Variants in TDRD12 observed in about 807,000 individuals in gnomAD.
TDRD12 encodes tudor domain containing 12.
In TDRD12, 158 loss-of-function variants were observed where a neutral mutation model predicts 133.5. The ratio of observed to expected loss-of-function variants is 1.18; its 90% CI spans 1.04 to 1.35. The LOEUF is 1.35. TDRD12 is among the 40% of genes most tolerant of loss of function. TDRD12 has a pLI of 0.00. For synonymous variants in TDRD12, 460 were observed against 477.9 expected, an observed-to-expected ratio of 0.96 and a Z score of 0.49; for missense variants, 1,443 against 1,321.3, an observed-to-expected ratio of 1.09 and a Z score of -1.43.
chr19:32,766,016 C>A (rs1358179924), intron 8 of TDRD12, among the ~76,000 whole-genome samples: 1 of 151,838 alleles, frequency 6.6e-6, no homozygotes, highest in Non-Finnish European at 1.5e-5. Flanking sequence ...TGAAATCTAC[C>A]TTAATATTAA....
intron 7 of TDRD12, among the ~76,000 whole-genome samples, chr19:32,756,749 T>G (rs947649198): frequency 6.6e-6 from 1 of 152,118 alleles, no homozygotes; most frequent in African/African-American, 2.4e-5. Context: ...TTAGAGATAC[T>G]AAGAAAACAA....
At chr19:32,792,479 A>G (rs1345526043) in intron 13 of TDRD12, among the ~76,000 whole-genome samples, 1 of 152,228 alleles carries the variant, frequency 6.6e-6, no homozygotes, top group East Asian at 1.9e-4. Flanking sequence ...TTCAAAATAT[A>G]GAAAAATGTA....
intron 1 of TDRD12, among the ~76,000 whole-genome samples, chr19:32,729,778 C>CT (rs1162347194): frequency 0.037 from 2,703 of 73,746 alleles, 315 homozygotes; most frequent in East Asian, 0.094. Context: ...TTTTCTTTTT[C>CT]TTTTTTTTTT....
rs1298312223 is a variant in TDRD12 at position 32,813,690 on chromosome 19, A to G, written c.3055A>G (p.Arg1019Gly). 10 of 1,521,654 alleles carry G rather than the reference A, an allele frequency of 6.6e-6. No individual in the cohort carries two copies. In the East Asian group the frequency reaches 2.4e-4, roughly 37 times the overall value. 94.3% of individuals were successfully genotyped at this position (1,521,654 alleles called of 1,614,324 possible). The change falls in exon 25 of 28, where the codon AGG becomes GGG. Residue 1019 changes from arginine (R) to glycine (G), a missense_variant. Coordinates refer to ENST00000444215, the Ensembl canonical transcript of TDRD12. ...TGTTAAGTGCTTTTTTCAGGTTACTAGGTACATTCATCATAAAATTGTTGG... is the reference window on the plus strand; with the variant it reads ...TGTTAAGTGCTTTTTTCAGGTTACTGGGTACATTCATCATAAAATTGTTGG...
intron 10 of TDRD12, among the ~76,000 whole-genome samples, chr19:32,774,188 G>A (rs2145604693): frequency 6.6e-6 from 1 of 152,320 alleles, no homozygotes; most frequent in Middle Eastern, 3.4e-3. Flanking sequence ...ACTTCCCCTC[G>A]TGTCGTGGAC....
At chr19:32,798,551 A>T in intron 16 of TDRD12, 116 bp downstream of exon 16, 2 of 732,472 alleles carry the variant, frequency 2.7e-6, no homozygotes, top group East Asian at 5.8e-5. Flanking sequence ...ATCTAAAAAA[A>T]TTTTATGCTT....
In TDRD12 at chr19:32,773,542, G is replaced by T; in HGVS notation, c.1040+10G>T. 15 of 1,551,258 alleles carry T rather than the reference G, an allele frequency of 9.7e-6. No individual in the cohort carries two copies. Among genetic ancestry groups the T allele is most frequent in the Non-Finnish European group, 1.3e-5 (15 of 1,146,700 alleles). The stretch of plus-strand genomic sequence containing the variant: ...ATGTACCAGAAGCAAGGTATGATTT[G>T]AAAATTCAAACTGGGTGTGGTGGCG... On this transcript the variant is annotated intron_variant, in intron 10 of 27. Coordinates refer to ENST00000444215, the Ensembl canonical transcript of TDRD12.
Position 32,810,793 on chromosome 19 carries a change from G to A in TDRD12, c.2838-417G>A, listed in dbSNP as rs146044470. On this transcript the variant is annotated intron_variant, in intron 23 of 27. Transcript: ENST00000444215. ...TGTAATCCCAACACTTTGGGAGGCT[G>A]AGGTGAATGGATTGCTTGAGCCCAG... Among the ~76,000 whole-genome samples the A allele has an allele frequency of 9.2e-3, 1,402 of 152,272 alleles. 27 individuals are homozygous for A. The highest frequency in any genetic ancestry group is 0.032 in the African/African-American group (1,342 of 41,542).
At chr19:32,722,052 C>T (rs902924740) in intron 1 of TDRD12, among the ~76,000 whole-genome samples, 1 of 152,112 alleles carries the variant, frequency 6.6e-6, no homozygotes, top group Non-Finnish European at 1.5e-5. Flanking sequence ...CCTGCTCTTA[C>T]TTGATGTCTT....
At position 32,813,875 on chromosome 19, in the gene TDRD12, A is replaced by C. The variant is rs951349188; in HGVS notation, c.3141+99A>C. The C allele has an allele frequency of 3.7e-5, 26 of 696,666 alleles. 1 individual carries two copies. The highest frequency in any genetic ancestry group is 3.2e-4 in the Middle Eastern group (1 of 3,116). 43.2% of individuals were successfully genotyped at this position (696,666 alleles called of 1,614,324 possible). On this transcript the variant is annotated intron_variant, in intron 25 of 27. Coordinates refer to ENST00000444215, the Ensembl canonical transcript of TDRD12. ...CTCACTTGAATAACTGCTGCATAGA[A>C]ACGGTGACTTATTTGGGGATTTGTT...
At chr19:32,719,860 G>A in exon 1 of TDRD12, 1 of 607,474 alleles carries the variant, frequency 1.6e-6, no homozygotes, top group East Asian at 2.8e-5. Context: ...TGCCAGGACG[G>A]AGCGCATTGC....
intron 14 of TDRD12, chr19:32,796,107 C>T (rs1184477390): frequency 5.1e-6 from 5 of 977,998 alleles, no homozygotes; most frequent in Non-Finnish European, 6.1e-6. Context: ...TGGCCCTGTG[C>T]TGCTGGTTTG....
chr19:32,766,240 T>A (rs1178669501), intron 8 of TDRD12, among the ~76,000 whole-genome samples: 1 of 152,172 alleles, frequency 6.6e-6, no homozygotes, highest in African/African-American at 2.4e-5. Flanking sequence ...CATTTAAAAT[T>A]TTTGTGGGCA....
At chr19:32,805,007 T>C (rs1971502735) in intron 21 of TDRD12, among the ~76,000 whole-genome samples, 3 of 151,962 alleles carry the variant, frequency 2.0e-5, no homozygotes, top group South Asian at 4.2e-4. Flanking sequence ...TAAATTAGTT[T>C]GTATGTATGA....
intron 8 of TDRD12, among the ~76,000 whole-genome samples, chr19:32,766,603 G>T (rs1264881684): frequency 6.7e-6 from 1 of 149,822 alleles, no homozygotes; most frequent in Admixed American, 6.7e-5. Context: ...TAATTCCTTT[G>T]TTAGCTTATT....
chr19:32,771,835 T>C (rs1451414958), intron 8 of TDRD12, among the ~76,000 whole-genome samples: 2 of 152,228 alleles, frequency 1.3e-5, no homozygotes, highest in Non-Finnish European at 2.9e-5. Context: ...TTAGGGCATT[T>C]TATAATATTT....
At position 32,797,037 on chromosome 19, in the gene TDRD12, G is replaced by T. The variant is rs372443941; in HGVS notation, c.1474-698G>T. 2.5e-4 allele frequency among the ~76,000 whole-genome samples: 37 copies of T among 150,074 alleles called. 1 individual carries two copies. In the East Asian group the frequency reaches 6.5e-3, roughly 26 times the overall value. ...GCTCTGTCACCCAGGCTGGAGTGCA[G>T]TGGCTCCATCTCGGCTCACTGCAAC... On this transcript the variant is annotated intron_variant, in intron 14 of 27. Coordinates refer to ENST00000444215, the Ensembl canonical transcript of TDRD12.
chr19:32,726,556 T>C lies in TDRD12; in HGVS notation c.25-5169T>C, dbSNP rs1024121246. ...GCTTATTTCACTCAGTATAATGTCCTCAGGGTTCATTATGTTGTACCATGT... is the reference window on the plus strand; with the variant it reads ...GCTTATTTCACTCAGTATAATGTCCCCAGGGTTCATTATGTTGTACCATGT... On this transcript the variant is annotated intron_variant, in intron 1 of 27. Coordinates refer to ENST00000444215, the Ensembl canonical transcript of TDRD12. Among the ~76,000 whole-genome samples, 87 of 152,186 alleles carry C rather than the reference T, an allele frequency of 5.7e-4. 4 individuals are homozygous for C. The highest frequency in any genetic ancestry group is 5.9e-5 in the Non-Finnish European group (4 of 68,044).
intron 1 of TDRD12, among the ~76,000 whole-genome samples, chr19:32,721,874 AT>A (rs768611161): frequency 0.02 from 2,720 of 137,212 alleles, 22 homozygotes; most frequent in Middle Eastern, 0.026. Context: ...CGCCTGGCTA[AT>A]TTTTTTTTTT....
Sources: gnomAD v4.1 joint callset for allele counts (sites outside exome capture counted in the v4.1 genomes callset) on GRCh38, gnomAD v4.1.1 for gene constraint, MANE v1.5 for transcripts, NCBI Gene and HGNC (gene_info 2026-07-23, HGNC 2026-07-21) for gene names.